RALGAPA1: variants seen among roughly 807,000 people sequenced by gnomAD.
RALGAPA1 encodes Ral GTPase activating protein catalytic subunit alpha 1.
In RALGAPA1, 52 loss-of-function variants were observed where a neutral mutation model predicts 269.6. The observed-to-expected ratio is 0.19, with a 90% CI of 0.15 to 0.24. The LOEUF is 0.24. RALGAPA1 is among the 10% of genes least tolerant of loss of function. The pLI is 1.00. For synonymous variants in RALGAPA1, 817 were observed against 1,008.3 expected (o/e 0.81, Z 3.60); for missense variants, 1,917 against 3,013.9 (o/e 0.64, Z 8.52).
At chr14:35,634,879 A>G in intron 32 of RALGAPA1, 122 bp from the exon 33 acceptor site, 1 of 1,009,714 alleles carries the variant, frequency 9.9e-7, no homozygotes, top group Non-Finnish European at 1.4e-6. Context: ...ATATTTTAAA[A>G]CATCAGGCCT....
chr14:35,683,387 T>A (rs910849470), intron 21 of RALGAPA1: 15 of 153,032 alleles, frequency 9.8e-5, no homozygotes, highest in Admixed American at 5.2e-4. Flanking sequence ...CTATAATAAA[T>A]ACTTTGCTAA....
At chr14:35,680,580 TTTTATTTATTTATTTA>T (rs145483057) in intron 21 of RALGAPA1, among the ~76,000 whole-genome samples, 47 of 150,606 alleles carry the variant, frequency 3.1e-4, no homozygotes, top group Non-Finnish European at 3.0e-5. Flanking sequence ...CTGCCTTTAA[TTTTATTTATTTATTTA>T]TTTATTTATT....
intron 13 of RALGAPA1, among the ~76,000 whole-genome samples, chr14:35,726,568 G>C (rs903139118): frequency 6.6e-6 from 1 of 151,982 alleles, no homozygotes; most frequent in Non-Finnish European, 1.5e-5. Context: ...CAGGTGGATC[G>C]CTTCAGCCCA....
intron 35 of RALGAPA1, among the ~76,000 whole-genome samples, chr14:35,611,446 G>A (rs1423253214): frequency 6.6e-6 from 1 of 151,306 alleles, no homozygotes; most frequent in Non-Finnish European, 1.5e-5. Flanking sequence ...AGGATGCAGT[G>A]AGCTGAGATC....
chr14:35,667,051 A>G (rs1418523440), intron 26 of RALGAPA1, among the ~76,000 whole-genome samples: 2 of 152,172 alleles, frequency 1.3e-5, no homozygotes, highest in Non-Finnish European at 2.9e-5. Flanking sequence ...TCCCAGATTA[A>G]TACTTATTTA....
intron 10 of RALGAPA1, among the ~76,000 whole-genome samples, chr14:35,743,923 C>A (rs533956854): frequency 8.6e-5 from 13 of 152,002 alleles, no homozygotes; most frequent in Admixed American, 6.6e-5. Context: ...TTCCTTATCA[C>A]AAATACACAT....
At chr14:35,719,071 T>A (rs2069129803) in intron 16 of RALGAPA1, among the ~76,000 whole-genome samples, 2 of 151,372 alleles carry the variant, frequency 1.3e-5, no homozygotes, top group African/African-American at 4.9e-5. Flanking sequence ...AAAATTAATG[T>A]TAAACCCAGC....
intron 4 of RALGAPA1, among the ~76,000 whole-genome samples, chr14:35,769,630 A>T (rs1161430881): frequency 6.6e-6 from 1 of 151,426 alleles, no homozygotes; most frequent in Non-Finnish European, 1.5e-5. Flanking sequence ...ATGTAATATT[A>T]AAAAAAAAGA....
chr14:35,591,594 A>G (rs1487426907), intron 37 of RALGAPA1, among the ~76,000 whole-genome samples: 1 of 152,110 alleles, frequency 6.6e-6, no homozygotes, highest in Non-Finnish European at 1.5e-5. Context: ...TTACAGGCAT[A>G]AGCAAGCCAC....
chr14:35,719,077 C>A lies in RALGAPA1; in HGVS notation c.2266+2611G>T, dbSNP rs2069131106. Among the ~76,000 whole-genome samples the A allele has an allele frequency of 5.9e-5, 9 of 152,076 alleles. No individual in the cohort carries two copies. In the South Asian group the frequency reaches 1.9e-3, roughly 32 times the overall value. On this transcript the variant is annotated intron_variant, in intron 16 of 41. Coordinates refer to ENST00000680220, the MANE Select transcript of RALGAPA1 (RefSeq NM_001346249.2). The stretch of plus-strand genomic sequence containing the variant: ...CAGGCTGGAAAAATTAATGTTAAAC[C>A]CAGCACTTTGGGAGGCCAAGGTGGG...
At chr14:35,612,642 C>CA (rs1223932610) in intron 35 of RALGAPA1, among the ~76,000 whole-genome samples, 2 of 151,438 alleles carry the variant, frequency 1.3e-5, no homozygotes, top group African/African-American at 2.4e-5. Context: ...AGGTTCATGC[C>CA]ACTCTCCTGC....
intron 36 of RALGAPA1, 113 bp from the exon 37 acceptor site, chr14:35,595,902 T>C (rs1256926527): frequency 2.7e-6 from 2 of 727,790 alleles, no homozygotes; most frequent in Non-Finnish European, 4.5e-6. Context: ...CTTTTGCATG[T>C]TATCAACCAA....
intron 3 of RALGAPA1, 34 bp downstream of exon 3, chr14:35,774,972 G>GA (rs1210420702): frequency 1.5e-6 from 2 of 1,366,406 alleles, no homozygotes; most frequent in South Asian, 1.3e-5. Context: ...AATTATTTTT[G>GA]AAAAAGGGAA....
chr14:35,547,423 C>A (rs2054557290), intron 41 of RALGAPA1, among the ~76,000 whole-genome samples: 1 of 152,040 alleles, frequency 6.6e-6, no homozygotes, highest in Admixed American at 6.5e-5. Flanking sequence ...AGCTGGTAAA[C>A]AACGACACAT....
At chr14:35,548,754 A>C (rs1380981841) in intron 40 of RALGAPA1, among the ~76,000 whole-genome samples, 1 of 152,148 alleles carries the variant, frequency 6.6e-6, no homozygotes, top group Non-Finnish European at 1.5e-5. Flanking sequence ...ATCAGAGATG[A>C]TGGGGTGATA....
chr14:35,557,410 ATTAT>A (rs1489212421), intron 39 of RALGAPA1, among the ~76,000 whole-genome samples: 1 of 152,060 alleles, frequency 6.6e-6, no homozygotes, highest in Non-Finnish European at 1.5e-5. Flanking sequence ...AAGTGCTATA[ATTAT>A]TGGGAATACA....
chr14:35,675,465 C>T lies in RALGAPA1; in HGVS notation c.4625-756G>A, dbSNP rs530230136. ...TGTCGGGATTACAGGCGTGAGCCAC[C>T]GCACCCGACCGAAAAATAAACATTT... On this transcript the variant is annotated intron_variant, in intron 22 of 41. Coordinates refer to ENST00000680220, the MANE Select transcript of RALGAPA1 (RefSeq NM_001346249.2). Among the ~76,000 whole-genome samples, 9 of 152,226 alleles carry T rather than the reference C, an allele frequency of 5.9e-5. No individual in the cohort carries two copies. The South Asian group carries it at 1.7e-3, about 28-fold the overall frequency.
intron 26 of RALGAPA1, among the ~76,000 whole-genome samples, chr14:35,670,663 G>A (rs1436908514): frequency 2.6e-5 from 4 of 152,154 alleles, no homozygotes; most frequent in Non-Finnish European, 5.9e-5. Flanking sequence ...GGTGGCTCAC[G>A]CCTGTAATCC....
At position 35,689,007 on chromosome 14, in the gene RALGAPA1, T is replaced by C. The variant is rs1174645232; in HGVS notation, c.3404A>G (p.His1135Arg). The change falls in exon 18 of 42, where the codon CAT (histidine) becomes CGT (arginine). Residue 1135 changes from histidine to arginine, a missense_variant. Coordinates refer to ENST00000680220, the MANE Select transcript of RALGAPA1 (RefSeq NM_001346249.2). ...AGCAATTTTCATGATTTTGGCTCTA[T>C]GAGTTACTGTTTCAGACAAGCTCCT... ...TKRSLSETVT[H>R]RAKIMKIATK... 4.0e-6 allele frequency: 5 copies of C among 1,236,536 alleles called. No homozygotes were observed. The highest frequency in any genetic ancestry group is 6.3e-5 in the East Asian group (2 of 31,968). 76.6% of individuals were successfully genotyped at this position (1,236,536 alleles called of 1,614,324 possible).
Sources: gnomAD v4.1 joint callset for allele counts (sites outside exome capture counted in the v4.1 genomes callset) on GRCh38, gnomAD v4.1.1 for gene constraint, MANE v1.5 for transcripts, NCBI Gene and HGNC (gene_info 2026-07-23, HGNC 2026-07-21) for gene names.